The following FAM117B variants were observed in gnomAD, a reference collection of about 807,000 sequenced individuals.
The protein encoded by FAM117B is family with sequence similarity 117 member B.
A neutral mutation model predicts 52.8 loss-of-function variants in FAM117B; 22 were observed. The observed-to-expected ratio is 0.42, with a 90% CI of 0.30 to 0.59. The LOEUF (loss-of-function observed/expected upper bound fraction) is 0.59, where lower values mean the gene tolerates loss of function less well. Among genes scored for constraint, FAM117B ranks in the 20% least tolerant of loss-of-function variants. The pLI, the probability that FAM117B is intolerant of heterozygous loss-of-function variation, is 0.22. For synonymous variants in FAM117B, 309 were observed against 324.1 expected, an observed-to-expected ratio of 0.95 and a Z score of 0.50; for missense variants, 678 against 802.6, an observed-to-expected ratio of 0.84 and a Z score of 1.88.
chr2:202,667,299 C>A (rs938960846), intron 1 of FAM117B, among the ~76,000 whole-genome samples: 2 of 151,792 alleles, frequency 1.3e-5, no homozygotes, highest in Non-Finnish European at 2.9e-5. Context: ...CGGGGTTTCA[C>A]CATGTTGGCT....
chr2:202,713,680 T>G (rs1690991374), intron 2 of FAM117B, among the ~76,000 whole-genome samples: 1 of 152,200 alleles, frequency 6.6e-6, no homozygotes, highest in Admixed American at 6.5e-5. Context: ...CTACTTTCAC[T>G]GTATCCCATA....
At chr2:202,703,977 T>A (rs570191359) in intron 2 of FAM117B, among the ~76,000 whole-genome samples, 3 of 152,212 alleles carry the variant, frequency 2.0e-5, no homozygotes, top group Non-Finnish European at 4.4e-5. Context: ...TACTAACACT[T>A]GTTTGAAAAA....
At chr2:202,714,859 A>T (rs1298941569) in intron 2 of FAM117B, among the ~76,000 whole-genome samples, 1 of 151,900 alleles carries the variant, frequency 6.6e-6, no homozygotes. Flanking sequence ...GTAAGGTCAT[A>T]GATCAACAGG....
chr2:202,748,410 C>CA (rs1166187170), intron 4 of FAM117B, among the ~76,000 whole-genome samples: 2 of 151,674 alleles, frequency 1.3e-5, no homozygotes, highest in Non-Finnish European at 2.9e-5. Flanking sequence ...GCCTAGGTAA[C>CA]AAAAAAATAT....
intron 6 of FAM117B, among the ~76,000 whole-genome samples, chr2:202,758,174 A>G (rs1410583332): frequency 6.6e-6 from 1 of 152,208 alleles, no homozygotes; most frequent in East Asian, 1.9e-4. Context: ...AGTGTGTTGA[A>G]TGTCCTAAAA....
intron 1 of FAM117B, among the ~76,000 whole-genome samples, chr2:202,659,532 A>C (rs1376294670): frequency 6.6e-6 from 1 of 150,570 alleles, no homozygotes; most frequent in Non-Finnish European, 1.5e-5. Flanking sequence ...ACTGGTGGCA[A>C]AGTCCTAGGC....
At chr2:202,730,115 G>A (rs951224998) in intron 4 of FAM117B, among the ~76,000 whole-genome samples, 2 of 152,124 alleles carry the variant, frequency 1.3e-5, no homozygotes, top group African/African-American at 4.8e-5. Context: ...GGTTTACTAT[G>A]GTAAGCATTT....
chr2:202,653,422 T>C (rs1689985461), intron 1 of FAM117B, among the ~76,000 whole-genome samples: 1 of 152,238 alleles, frequency 6.6e-6, no homozygotes, highest in East Asian at 1.9e-4. Flanking sequence ...TAGGCTGGTC[T>C]GGAACTCCAG....
intron 4 of FAM117B, among the ~76,000 whole-genome samples, chr2:202,738,947 G>A (rs549903029): frequency 3.9e-5 from 6 of 152,222 alleles, no homozygotes; most frequent in Admixed American, 2.6e-4. Flanking sequence ...CCAGCACTTC[G>A]GTAGGCTGAG....
intron 1 of FAM117B, among the ~76,000 whole-genome samples, chr2:202,670,524 C>A (rs1690274994): frequency 6.6e-6 from 1 of 152,044 alleles, no homozygotes; most frequent in Admixed American, 6.6e-5. Flanking sequence ...CTTCTGACCT[C>A]AAGTGATCCT....
In FAM117B at chr2:202,759,372, ATCCCC is replaced by A; in HGVS notation, c.1451+20_1451+24del. 1 of 1,591,074 alleles carries A rather than the reference ATCCCC, an allele frequency of 6.3e-7. No homozygotes were observed. The highest frequency in any genetic ancestry group is 1.9e-5 in the Admixed American group (1 of 53,790). ...AATGCTCGTAAGTATCCCTTCCACC[ATCCCC>A]ACAAAAAAACTATTATGAGCTTTTT... On this transcript the variant is annotated intron_variant, in intron 7 of 7. Coordinates refer to ENST00000392238, the MANE Select transcript of FAM117B (RefSeq NM_173511.4).
At chr2:202,664,782 A>G (rs1690177974) in intron 1 of FAM117B, among the ~76,000 whole-genome samples, 2 of 152,120 alleles carry the variant, frequency 1.3e-5, no homozygotes, top group African/African-American at 4.8e-5. Flanking sequence ...CTCGCTTATA[A>G]GAAGTCAGTC....
At chr2:202,685,044 G>A (rs1385673373) in intron 1 of FAM117B, among the ~76,000 whole-genome samples, 3 of 151,916 alleles carry the variant, frequency 2.0e-5, no homozygotes, top group Non-Finnish European at 4.4e-5. Context: ...ATGCAGTGGT[G>A]TGATCTTGGC....
At chr2:202,635,867 A>T (rs1011321370) in intron 1 of FAM117B, 79 bp downstream of exon 1, 14 of 1,275,226 alleles carry the variant, frequency 1.1e-5, no homozygotes, top group Admixed American at 8.3e-5. Context: ...TCGCGCGGGG[A>T]CTGCAGAGCT....
At position 202,747,078 on chromosome 2, in the gene FAM117B, G is replaced by A. The variant is rs7566952; in HGVS notation, c.961-8460G>A. ...AACAACACATCAAAAAGGTAATATA[G>A]CAAGATTAAGTGGGATTTATTCCAG... On this transcript the variant is annotated intron_variant, in intron 4 of 7. Transcript: ENST00000392238. 3.9e-3 allele frequency among the ~76,000 whole-genome samples: 594 copies of A among 151,980 alleles called. 5 individuals are homozygous for A. Among genetic ancestry groups the A allele is most frequent in the African/African-American group, 0.014 (569 of 41,470 alleles).
intron 1 of FAM117B, among the ~76,000 whole-genome samples, chr2:202,685,752 C>A (rs1001650037): frequency 2.6e-5 from 4 of 152,136 alleles, no homozygotes; most frequent in Non-Finnish European, 4.4e-5. Flanking sequence ...GGGATAATCC[C>A]TTTCCTTAAA....
intron 1 of FAM117B, among the ~76,000 whole-genome samples, chr2:202,684,384 T>C (rs1438990272): frequency 6.6e-6 from 1 of 152,214 alleles, no homozygotes; most frequent in Non-Finnish European, 1.5e-5. Flanking sequence ...ACTTTCTTGC[T>C]TTTTTGTGGT....
chr2:202,650,427 A>C (rs1366391227), intron 1 of FAM117B, among the ~76,000 whole-genome samples: 2 of 152,214 alleles, frequency 1.3e-5, no homozygotes, highest in East Asian at 3.8e-4. Context: ...TAACCTTTAA[A>C]AGTAATAAAA....
chr2:202,655,129 T>C (rs1256116843), intron 1 of FAM117B, among the ~76,000 whole-genome samples: 1 of 152,132 alleles, frequency 6.6e-6, no homozygotes, highest in African/African-American at 2.4e-5. Context: ...TATGAATGAG[T>C]TGTAGCATTT....
Sources: gnomAD v4.1 joint callset for allele counts (sites outside exome capture counted in the v4.1 genomes callset) on GRCh38, gnomAD v4.1.1 for gene constraint, MANE v1.5 for transcripts, NCBI Gene and HGNC (gene_info 2026-07-23, HGNC 2026-07-21) for gene names.